TRAF3IP3: variants seen among roughly 807,000 people sequenced by gnomAD.
TRAF3IP3 encodes TRAF3 interacting protein 3.
TRAF3IP3 carries 64 observed loss-of-function variants against 86.5 expected under a neutral mutation model. The observed-to-expected ratio is 0.74, with a 90% CI of 0.60 to 0.91. The LOEUF is 0.91. Ranked by LOEUF, TRAF3IP3 falls within the 40% of genes least tolerant of loss-of-function variation. The pLI is 0.00. For synonymous variants in TRAF3IP3, 220 were observed against 243.9 expected, an observed-to-expected ratio of 0.90 and a Z score of 0.91; for missense variants, 579 against 642.9, an observed-to-expected ratio of 0.90 and a Z score of 1.07.
intron 8 of TRAF3IP3, among the ~76,000 whole-genome samples, chr1:209,765,290 A>T (rs112802365): frequency 1.1e-5 from 1 of 87,888 alleles, no homozygotes; most frequent in African/African-American, 4.4e-5. Flanking sequence ...AGGAAGGAAG[A>T]AATTAAGATA....
chr1:209,762,783 T>C, intron 4 of TRAF3IP3, 30 bp from the exon 5 acceptor site: 2 of 1,469,670 alleles, frequency 1.4e-6, no homozygotes. Context: ...TCCCTGTAAG[T>C]TCTAAATCAA....
At chr1:209,780,641 T>G (rs1459266972) in intron 15 of TRAF3IP3, 35 bp downstream of exon 15, 4 of 1,484,638 alleles carry the variant, frequency 2.7e-6, no homozygotes, top group Non-Finnish European at 3.6e-6. Context: ...AGGGCTCATT[T>G]GCGAAATAGC....
At chr1:209,763,451 G>T in intron 7 of TRAF3IP3, 41 bp from the exon 8 acceptor site, 1 of 1,613,372 alleles carries the variant, frequency 6.2e-7, no homozygotes. Context: ...CGATCCTCCA[G>T]GTTAATCTTA....
chr1:209,775,882 T>C, intron 11 of TRAF3IP3, 146 bp downstream of exon 11: 1 of 726,496 alleles, frequency 1.4e-6, no homozygotes, highest in Non-Finnish European at 2.2e-6. Flanking sequence ...TGTACCAAAT[T>C]CACTGTTTTG....
rs138367584 is a variant in TRAF3IP3, at chr1:209,774,541, G to A, written c.775-808G>A. On this transcript the variant is annotated intron_variant, in intron 9 of 16. Transcript: ENST00000367025. ...TCTTGAGTATTAGTAGAAGTTAACT[G>A]GCTGTAGGCAGAAGAAGCTACATGG... 7.6e-3 allele frequency among the ~76,000 whole-genome samples: 1,158 copies of A among 152,318 alleles called. 12 individuals carry two copies. Among genetic ancestry groups the A allele is most frequent in the African/African-American group, 0.026 (1,075 of 41,558 alleles).
chr1:209,765,229 GGAAGGAAGGAAGGA>G (rs2077329288), intron 8 of TRAF3IP3, among the ~76,000 whole-genome samples: 1 of 42,800 alleles, frequency 2.3e-5, no homozygotes, highest in Non-Finnish European at 5.3e-5. Context: ...GAGAGAGAGA[GGAAGGAAGGAAGGA>G]AGGAAGGAAG....
chr1:209,779,771 A>G (rs1487451682), intron 14 of TRAF3IP3: 2 of 493,406 alleles, frequency 4.1e-6, no homozygotes, highest in Non-Finnish European at 3.6e-6. Context: ...TCTACTGTCC[A>G]TGTTTCCTGA....
intron 14 of TRAF3IP3, 75 bp downstream of exon 14, chr1:209,779,449 C>T (rs1297662193): frequency 2.3e-5 from 30 of 1,315,024 alleles, no homozygotes; most frequent in East Asian, 4.6e-5. Context: ...GGATGGACTA[C>T]ATGACCTCCT....
chr1:209,778,141 T>G lies in TRAF3IP3; in HGVS notation c.1220T>G (p.Leu407Arg). 1.2e-6 allele frequency: 2 copies of G among 1,614,138 alleles called. No individual in the cohort carries two copies. Among genetic ancestry groups the G allele is most frequent in the Non-Finnish European group, 8.5e-7 (1 of 1,179,984 alleles). Residue 407 changes from leucine (L) to arginine (R), a missense_variant, in exon 13 of 17, where the codon CTC becomes CGC. Coordinates refer to ENST00000367025, the MANE Select transcript of TRAF3IP3 (RefSeq NM_025228.4). ...DQLKRSEAEK[L>R]TLVTRVQQLQ... ...CTAAAAAGGTCAGAGGCAGAGAAAC[T>G]CACCCTGGTGACCAGAGTACAGCAG...
chr1:209,762,731 G>GGA (rs2077269044), intron 4 of TRAF3IP3, 69 bp downstream of exon 4: 2 of 988,774 alleles, frequency 2.0e-6, no homozygotes, highest in East Asian at 3.2e-5. Flanking sequence ...CCAGCTCACT[G>GGA]GCAATGGAGA....
Position 209,762,863 on chromosome 1 carries a change from C to T in TRAF3IP3, c.544C>T (p.Gln182Ter), listed in dbSNP as rs766870528. 6.2e-7 allele frequency: 1 copy of T among 1,614,186 alleles called. No individual in the cohort carries two copies. Among genetic ancestry groups the T allele is most frequent in the South Asian group, 1.1e-5 (1 of 91,082 alleles). The change falls in exon 5 of 17, where the codon CAA (glutamine) becomes TAA (stop). Residue 182 changes from glutamine (Q) to a stop codon, truncating the protein, a stop_gained. Transcript: ENST00000367025. LOFTEE classifies it high-confidence loss of function. ...AACAATTAAGAACGATGCCAGTCAG[C>T]AAACCAAGTGAGTTCCTGACCCTAA... is the stretch of plus-strand genomic sequence containing the variant. ...GPTIKNDASQ[Q>*]TNYGVAVLDK... is the part of the protein sequence containing the mutation.
At position 209,775,637 on chromosome 1, in the gene TRAF3IP3, G is replaced by C. The variant is rs1248953496; in HGVS notation, c.954G>C (p.Trp318Cys). Reference protein sequence around the residue: ...LALAEQKCEEWRSQYEALKED... With the variant: ...LALAEQKCEECRSQYEALKED... ...TGGCAGAGCAGAAGTGTGAAGAGTG[G>C]AGGAGCCAGTATGAGGCTCTGAAGG... Residue 318 changes from tryptophan to cysteine, a missense_variant, in exon 11 of 17, where the codon TGG becomes TGC. By Grantham distance (215) the Trp-to-Cys change is radical. Transcript: ENST00000367025. The C allele has an allele frequency of 5.6e-6, 9 of 1,614,060 alleles. No homozygotes were observed. The Admixed American group carries it at 1.3e-4, about 24-fold the overall frequency.
intron 6 of TRAF3IP3, 119 bp downstream of exon 6, chr1:209,763,211 G>T (rs1338642341): frequency 5.8e-6 from 8 of 1,382,994 alleles, no homozygotes; most frequent in African/African-American, 1.4e-5. Context: ...TGGCAAGGGG[G>T]TACTGAGCAT....
chr1:209,757,976 G>A (rs1025583616), intron 1 of TRAF3IP3, among the ~76,000 whole-genome samples: 26 of 152,150 alleles, frequency 1.7e-4, no homozygotes, highest in African/African-American at 5.3e-4. Flanking sequence ...GACAGAGCCA[G>A]GACATGAGTC....
rs1030874713 is a variant in TRAF3IP3 at position 209,780,469 on chromosome 1, G to C, written c.1313-1G>C. On this transcript the variant is annotated splice_acceptor_variant, in intron 14 of 16. Transcript: ENST00000367025. LOFTEE classifies it high-confidence loss of function. ...CACCAAGAATCTGGCTGCTTTTTTA[G>C]ATCAGGCTTTGCCCGTGTGGAGTCC... is the stretch of plus-strand genomic sequence containing the variant. 1.3e-6 allele frequency: 2 copies of C among 1,557,248 alleles called. No individual in the cohort carries two copies. The highest frequency in any genetic ancestry group is 1.7e-6 in the Non-Finnish European group (2 of 1,147,312).
chr1:209,774,725 T>A lies in TRAF3IP3; in HGVS notation c.775-624T>A, dbSNP rs149275993. ...TGCTGAGAATCCATGGAGAGATTTA[T>A]ACAGGAAGTGGCAAGATCAGATTTG... On this transcript the variant is annotated intron_variant, in intron 9 of 16. Transcript: ENST00000367025. 7.6e-3 allele frequency among the ~76,000 whole-genome samples: 1,163 copies of A among 152,312 alleles called. 15 individuals carry two copies. Among genetic ancestry groups the A allele is most frequent in the Non-Finnish European group, 0.011 (781 of 68,036 alleles).
rs757070403 is a variant in TRAF3IP3, at chr1:209,782,167, C to G, written c.*19C>G. The G allele has an allele frequency of 3.7e-6, 6 of 1,600,150 alleles. No homozygotes were observed. Among genetic ancestry groups the G allele is most frequent in the Non-Finnish European group, 5.1e-6 (6 of 1,167,362 alleles). On this transcript the variant is annotated 3_prime_UTR_variant, in exon 17 of 17. Coordinates refer to ENST00000367025, the MANE Select transcript of TRAF3IP3 (RefSeq NM_025228.4). ...GATCTGAATAATTTGTGACAACTGCCTTGGGTGAAAATCAGAAGCAAGCAA... is the reference window on the plus strand; with the variant it reads ...GATCTGAATAATTTGTGACAACTGCGTTGGGTGAAAATCAGAAGCAAGCAA...
At chr1:209,762,446 G>A (rs374883348) in intron 3 of TRAF3IP3, 69 bp from the exon 4 acceptor site, 42 of 1,392,550 alleles carry the variant, frequency 3.0e-5, no homozygotes, top group African/African-American at 1.6e-4. Flanking sequence ...TCTTCCTTCC[G>A]AAATCATCAG....
intron 8 of TRAF3IP3, among the ~76,000 whole-genome samples, chr1:209,765,070 G>A (rs1193292591): frequency 1.3e-5 from 2 of 151,846 alleles, no homozygotes; most frequent in African/African-American, 4.8e-5. Context: ...AGCTACTCCG[G>A]AGGCTGGGCC....
Sources: allele counts gnomAD v4.1 joint callset (sites outside exome capture counted in the v4.1 genomes callset), GRCh38; gene constraint gnomAD v4.1.1; transcripts MANE v1.5; gene names NCBI Gene and HGNC (gene_info 2026-07-23, HGNC 2026-07-21).